CALN1: variants seen among roughly 807,000 people sequenced by gnomAD.
CALN1 encodes the protein calcium-binding protein 8.
A neutral mutation model predicts 30.6 loss-of-function variants in CALN1; 17 were observed. That is an observed-to-expected ratio of 0.56 (90% CI 0.38 to 0.83). The LOEUF is 0.83. Among genes scored for constraint, CALN1 ranks in the 40% least tolerant of loss-of-function variants. CALN1 has a pLI of 0.00. For missense variants in CALN1, 291 were observed against 354.9 expected, an observed-to-expected ratio of 0.82 and a Z score of 1.45; for synonymous variants, 156 against 131.4, an observed-to-expected ratio of 1.19 and a Z score of -1.28.
At chr7:72,163,197 G>T (rs944323547) in intron 3 of CALN1, among the ~76,000 whole-genome samples, 3 of 152,076 alleles carry the variant, frequency 2.0e-5, no homozygotes, top group African/African-American at 7.2e-5. Context: ...AAACTGAGGG[G>T]TTCATCCTAG....
At chr7:72,375,392 G>C (rs1399152326) in intron 2 of CALN1, among the ~76,000 whole-genome samples, 2 of 151,668 alleles carry the variant, frequency 1.3e-5, no homozygotes, top group African/African-American at 4.8e-5. Flanking sequence ...GTAAGACCCT[G>C]GCTCTGCAAA....
At chr7:72,497,423 G>A in the CALN1 span, among the ~76,000 whole-genome samples, 1 of 152,188 alleles carries the variant, frequency 6.6e-6, no homozygotes, top group Non-Finnish European at 1.5e-5. Context: ...CTGGGTGACA[G>A]AGTGAGACCC....
At chr7:71,884,525 C>T (rs1216203280) in intron 5 of CALN1, among the ~76,000 whole-genome samples, 1 of 151,934 alleles carries the variant, frequency 6.6e-6, no homozygotes, top group Non-Finnish European at 1.5e-5. Flanking sequence ...TGGGCCAGAT[C>T]GATCTCTCGG....
intron 2 of CALN1, among the ~76,000 whole-genome samples, chr7:72,328,751 A>G (rs368750170): frequency 5.9e-5 from 9 of 152,374 alleles, no homozygotes; most frequent in East Asian, 3.9e-4. Flanking sequence ...GCTGGAGTGC[A>G]GTGGCACAAT....
chr7:72,483,599 C>G, the CALN1 span, among the ~76,000 whole-genome samples: 25 of 152,236 alleles, frequency 1.6e-4, no homozygotes, highest in African/African-American at 6.0e-4. Context: ...CCTGATGTTT[C>G]TTGTGCCTTG....
At chr7:72,300,477 T>C (rs993017646) in intron 2 of CALN1, among the ~76,000 whole-genome samples, 2 of 151,698 alleles carry the variant, frequency 1.3e-5, no homozygotes, top group Non-Finnish European at 2.9e-5. Flanking sequence ...ATAAGCAAAG[T>C]GCATTCATAT....
intron 5 of CALN1, among the ~76,000 whole-genome samples, chr7:71,989,674 C>T (rs1418480918): frequency 4.6e-5 from 7 of 151,664 alleles, no homozygotes; most frequent in South Asian, 2.1e-4. Context: ...GGATCCGGGG[C>T]GAGGGTTGGA....
chr7:72,167,484 A>G (rs1406028614), intron 3 of CALN1, among the ~76,000 whole-genome samples: 1 of 152,164 alleles, frequency 6.6e-6, no homozygotes, highest in Non-Finnish European at 1.5e-5. Context: ...AGCTGGGACT[A>G]CAGGAGCCCG....
intron 4 of CALN1, among the ~76,000 whole-genome samples, chr7:72,102,424 G>A (rs1027782915): frequency 3.9e-5 from 6 of 151,996 alleles, no homozygotes; most frequent in African/African-American, 7.3e-5. Context: ...CAGCCTGGGC[G>A]TAAGACAGAG....
intron 5 of CALN1, among the ~76,000 whole-genome samples, chr7:72,005,719 G>A (rs1799737249): frequency 1.3e-5 from 2 of 151,406 alleles, no homozygotes; most frequent in Admixed American, 6.6e-5. Context: ...TACATAGTAT[G>A]TGACTCCATT....
At chr7:71,977,073 T>TCA (rs1798136453) in intron 5 of CALN1, among the ~76,000 whole-genome samples, 1 of 152,182 alleles carries the variant, frequency 6.6e-6, no homozygotes, top group African/African-American at 2.4e-5. Flanking sequence ...TGCTTATGAG[T>TCA]TGACTTTCCA....
intron 5 of CALN1, among the ~76,000 whole-genome samples, chr7:71,886,229 T>C (rs758745980): frequency 3.9e-5 from 6 of 152,254 alleles, no homozygotes; most frequent in African/African-American, 7.2e-5. Flanking sequence ...GAACATCTCC[T>C]TTGAAAGCTT....
intron 5 of CALN1, among the ~76,000 whole-genome samples, chr7:71,940,927 T>C (rs1265066520): frequency 4.6e-5 from 7 of 152,166 alleles, no homozygotes; most frequent in South Asian, 2.1e-4. Context: ...TTCTTTGTTA[T>C]AGAAGCTTAG....
At chr7:72,480,032 T>C in the CALN1 span, among the ~76,000 whole-genome samples, 1 of 152,272 alleles carries the variant, frequency 6.6e-6, no homozygotes, top group Non-Finnish European at 1.5e-5. Context: ...CTTTATAATA[T>C]AATTCTTGAA....
At chr7:71,818,341 C>A (rs1436815538) in intron 5 of CALN1, among the ~76,000 whole-genome samples, 1 of 151,966 alleles carries the variant, frequency 6.6e-6, no homozygotes, top group Non-Finnish European at 1.5e-5. Flanking sequence ...TAGGGGGCAG[C>A]CGTACCAAGG....
At chr7:72,273,599 G>A (rs1028040979) in intron 3 of CALN1, among the ~76,000 whole-genome samples, 2 of 146,506 alleles carry the variant, frequency 1.4e-5, no homozygotes, top group African/African-American at 5.0e-5. Flanking sequence ...GCTTACAGTA[G>A]CCTCAAACTC....
At chr7:72,135,650 G>C (rs1203617157) in intron 3 of CALN1, among the ~76,000 whole-genome samples, 1 of 152,196 alleles carries the variant, frequency 6.6e-6, no homozygotes, top group Non-Finnish European at 1.5e-5. Flanking sequence ...AGCATAGGCA[G>C]AATAGATTTA....
chr7:72,320,877 A>T (rs1800829510), intron 2 of CALN1, among the ~76,000 whole-genome samples: 1 of 150,770 alleles, frequency 6.6e-6, no homozygotes, highest in Admixed American at 6.6e-5. Flanking sequence ...AGGCAGCCTA[A>T]CCTAGCAGGT....
chr7:72,255,043 G>C (rs1795819452), intron 3 of CALN1, among the ~76,000 whole-genome samples: 1 of 151,888 alleles, frequency 6.6e-6, no homozygotes, highest in Non-Finnish European at 1.5e-5. Flanking sequence ...CACCCACCTT[G>C]GCCTCTCAAA....
Sources: gnomAD v4.1 joint callset for allele counts (sites outside exome capture counted in the v4.1 genomes callset) on GRCh38, gnomAD v4.1.1 for gene constraint, MANE v1.5 for transcripts, NCBI Gene and HGNC (gene_info 2026-07-23, HGNC 2026-07-21) for gene names.